FPGT: variants seen among roughly 807,000 people sequenced by gnomAD.
FPGT encodes the protein GDP-L-fucose diphosphorylase.
FPGT carries 41 observed loss-of-function variants against 45.8 expected under a neutral mutation model. The ratio of observed to expected loss-of-function variants is 0.90; its 90% CI spans 0.70 to 1.16. The LOEUF is 1.16. FPGT is among the 50% of genes most tolerant of loss of function. The pLI is 0.00. For synonymous variants in FPGT, 292 were observed against 247.2 expected (o/e 1.18, Z -1.70); for missense variants, 755 against 689.1 (o/e 1.10, Z -1.07).
chr1:74,201,415 T>A lies in FPGT; in HGVS notation c.343+5T>A. On this transcript the variant is annotated splice_donor_5th_base_variant and intron_variant, in intron 3 of 3. Coordinates refer to ENST00000370898, the MANE Select transcript of FPGT (RefSeq NM_003838.5). ...CCATCTTATTAATTCACTCTGGTAATGTTATACTTTACTAATTTACATTTT... is the reference window on the plus strand; with the variant it reads ...CCATCTTATTAATTCACTCTGGTAAAGTTATACTTTACTAATTTACATTTT... 3 of 1,548,676 alleles carry A rather than the reference T, an allele frequency of 1.9e-6. No homozygotes were observed. The highest frequency in any genetic ancestry group is 2.6e-6 in the Non-Finnish European group (3 of 1,134,888).
chr1:74,199,882 A>G (rs1557669844), intron 2 of FPGT, 51 bp downstream of exon 2: 3 of 1,569,900 alleles, frequency 1.9e-6, no homozygotes, highest in Non-Finnish European at 2.6e-6. Context: ...CAGAATAATC[A>G]TTGAAGAAAA....
In FPGT at chr1:74,208,122, A is replaced by G. The variant is rs1652429146; in HGVS notation, c.*2290A>G. ...CTGCCTGGCTAATAGCTATTATACT[A>G]TCATTTGTAAGGCACATTCTGTTTT... On this transcript the variant is annotated 3_prime_UTR_variant, in exon 4 of 4. Coordinates refer to ENST00000370898, the MANE Select transcript of FPGT (RefSeq NM_003838.5). 6.6e-6 allele frequency among the ~76,000 whole-genome samples: 1 copy of G among 151,960 alleles called. No homozygotes were observed.
chr1:74,199,636 TTTTCA>T, intron 1 of FPGT, 23 bp from the exon 2 acceptor site: 1 of 1,596,890 alleles, frequency 6.3e-7, no homozygotes, highest in African/African-American at 1.4e-5. Flanking sequence ...ATAATTTTTG[TTTTCA>T]TTTCCTTGCT....
chr1:74,200,056 G>T (rs1011909240), intron 2 of FPGT, among the ~76,000 whole-genome samples: 1 of 152,094 alleles, frequency 6.6e-6, no homozygotes, highest in Admixed American at 6.5e-5. Context: ...TTACTTAAAA[G>T]AAAATTTTAT....
At position 74,205,805 on chromosome 1, in the gene FPGT, A is replaced by T. The variant is rs978566745; in HGVS notation, c.1758A>T (p.Glu586Asp). Reference protein sequence around the residue: ...MITYREQIFLEISLKSSLM With the variant: ...MITYREQIFLDISLKSSLM ...CTTACAGGGAACAAATTTTTCTAGAAATCAGTTTAAAAAGCAGTTTGATGT... is the reference window on the plus strand; with the variant it reads ...CTTACAGGGAACAAATTTTTCTAGATATCAGTTTAAAAAGCAGTTTGATGT... The change falls in exon 4 of 4, where the codon GAA becomes GAT. Residue 586 changes from glutamate to aspartate, a missense_variant. Transcript: ENST00000370898. 13 of 1,561,600 alleles carry T rather than the reference A, an allele frequency of 8.3e-6. No homozygotes were observed. The Admixed American group carries it at 1.7e-4, about 21-fold the overall frequency.
rs1201190310 is a variant in FPGT at position 74,198,298 on chromosome 1, C to T, written c.20C>T (p.Pro7Leu). MAAARDPPEVSLREATQ... is the reference protein window; with the variant it reads MAAARDLPEVSLREATQ... The stretch of plus-strand genomic sequence containing the variant: ...GGGGCTATGGCAGCTGCTAGGGACC[C>T]TCCGGAAGTATCGCTGCGAGAAGCC... The change falls in exon 1 of 4, where the codon CCT (proline) becomes CTT (leucine). Residue 7 changes from proline (P) to leucine (L), a missense_variant. Pro to Leu is a moderately conservative substitution (Grantham distance 98, BLOSUM62 -3). Coordinates refer to ENST00000370898, the MANE Select transcript of FPGT (RefSeq NM_003838.5). 1 of 1,614,022 alleles carries T rather than the reference C, an allele frequency of 6.2e-7. No individual in the cohort carries two copies. The highest frequency in any genetic ancestry group is 1.3e-5 in the African/African-American group (1 of 74,920).
rs956067294 is a variant in FPGT, at chr1:74,208,110, A to G, written c.*2278A>G. Among the ~76,000 whole-genome samples the G allele has an allele frequency of 3.9e-5, 6 of 151,964 alleles. No individual in the cohort carries two copies. Among genetic ancestry groups the G allele is most frequent in the Non-Finnish European group, 7.4e-5 (5 of 67,938 alleles). ...CCATGACTATTGCTGCCTGGCTAAT[A>G]GCTATTATACTATCATTTGTAAGGC... On this transcript the variant is annotated 3_prime_UTR_variant, in exon 4 of 4. Coordinates refer to ENST00000370898, the MANE Select transcript of FPGT (RefSeq NM_003838.5).
In FPGT at chr1:74,198,454, C is replaced by T. The variant is rs1458820736; in HGVS notation, c.82+94C>T. 2.6e-6 allele frequency: 4 copies of T among 1,546,934 alleles called. No homozygotes were observed. In the South Asian group the frequency reaches 3.5e-5, roughly 14 times the overall value. On this transcript the variant is annotated intron_variant, in intron 1 of 3. Transcript: ENST00000370898. ...TTGCTGGACTGTCACTTCCCGTTTA[C>T]TTCTCATCTGTAGGCCTATGACGCT...
At position 74,202,263 on chromosome 1, in the gene FPGT, A is replaced by C. The variant is rs537902947; in HGVS notation, c.343+853A>C. 4.1e-3 allele frequency among the ~76,000 whole-genome samples: 622 copies of C among 152,346 alleles called. 7 individuals carry two copies. Among genetic ancestry groups the C allele is most frequent in the Non-Finnish European group, 6.6e-3 (447 of 68,032 alleles). The stretch of plus-strand genomic sequence containing the variant: ...ATGAAAACTGTCATGAACTGACACC[A>C]GTCCAGGGACAGGTATTTTAGAATT... On this transcript the variant is annotated intron_variant, in intron 3 of 3. Coordinates refer to ENST00000370898, the MANE Select transcript of FPGT (RefSeq NM_003838.5).
chr1:74,199,564 T>C lies in FPGT; in HGVS notation c.83-100T>C, dbSNP rs1651571165. ...AAAGATACATTTTGGAAGATGATAA[T>C]GGATATTACCTTCTTTATCATCTTT... is the stretch of plus-strand genomic sequence containing the variant. On this transcript the variant is annotated intron_variant, in intron 1 of 3. Transcript: ENST00000370898. The C allele has an allele frequency of 1.8e-5, 23 of 1,294,554 alleles. 1 individual carries two copies. Among genetic ancestry groups the C allele is most frequent in the South Asian group, 3.0e-5 (2 of 66,294 alleles). 80.2% of individuals were successfully genotyped at this position (1,294,554 alleles called of 1,614,324 possible). A position where few individuals can be genotyped will look rare whatever the true frequency, so the allele number is the denominator to read the frequency against.
intron 3 of FPGT, 118 bp downstream of exon 3, chr1:74,201,528 A>T: frequency 4.6e-6 from 3 of 654,146 alleles, no homozygotes; most frequent in Non-Finnish European, 7.3e-6. Flanking sequence ...CTTTGAAGTT[A>T]TTCTGCTTTG....
rs1652170757 is a variant in FPGT at position 74,205,238 on chromosome 1, C to G, written c.1191C>G (p.Gly397=). ...TTCCAGATATACCAGAATGCTCTGG[C>G]AAAACATCCTGTATCATTCAAAGCA... is the stretch of plus-strand genomic sequence containing the variant. The part of the protein sequence containing the change: ...SIFPDIPECS[G]KTSCIIQSIL... The change falls in exon 4 of 4, where the codon GGC becomes GGG. Residue 397 remains glycine, a synonymous_variant. Transcript: ENST00000370898. The G allele has an allele frequency of 1.9e-6, 3 of 1,613,768 alleles. No individual in the cohort carries two copies. Among genetic ancestry groups the G allele is most frequent in the Non-Finnish European group, 1.7e-6 (2 of 1,179,674 alleles).
rs1652103597 is a variant in FPGT, at chr1:74,204,613, C to G, written c.566C>G (p.Thr189Ser). ...ATTAGGTTTGACAAACCTGGCTTTA[C>G]TGCTTTAGCTCATCCTTCTAGTTTG... is the stretch of plus-strand genomic sequence containing the variant. ...EFIRFDKPGFTALAHPSSLTI... is the reference protein window; with the variant it reads ...EFIRFDKPGFSALAHPSSLTI... The change falls in exon 4 of 4, where the codon ACT becomes AGT. Residue 189 changes from threonine to serine, a missense_variant. By Grantham distance (58) the Thr-to-Ser change is moderately conservative (BLOSUM62 1). Coordinates refer to ENST00000370898, the MANE Select transcript of FPGT (RefSeq NM_003838.5). 3 of 1,613,736 alleles carry G rather than the reference C, an allele frequency of 1.9e-6. No homozygotes were observed. The highest frequency in any genetic ancestry group is 2.7e-5 in the African/African-American group (2 of 75,034).
Position 74,201,302 on chromosome 1 carries a change from T to A in FPGT, c.251-16T>A, listed in dbSNP as rs756113735. 1.9e-6 allele frequency: 3 copies of A among 1,603,256 alleles called. No homozygotes were observed. Among genetic ancestry groups the A allele is most frequent in the Non-Finnish European group, 2.6e-6 (3 of 1,174,914 alleles). On this transcript the variant is annotated splice_polypyrimidine_tract_variant and intron_variant, in intron 2 of 3. Transcript: ENST00000370898. Reference sequence around the variant, plus strand: ...TTCTATTAAATAAATTGTGCTTTTTTAACTTTGTTTTTAAGGAAATGGAGG... The same window carrying A: ...TTCTATTAAATAAATTGTGCTTTTTAAACTTTGTTTTTAAGGAAATGGAGG...
At position 74,207,440 on chromosome 1, in the gene FPGT, C is replaced by T. The variant is rs1652374372; in HGVS notation, c.*1608C>T. ...TGTCCACCTAGTACCATCTTCTCTG[C>T]TTTCAGAATTATTGGTAAGGCTGCA... On this transcript the variant is annotated 3_prime_UTR_variant, in exon 4 of 4. Coordinates refer to ENST00000370898, the MANE Select transcript of FPGT (RefSeq NM_003838.5). Among the ~76,000 whole-genome samples, 1 of 152,014 alleles carries T rather than the reference C, an allele frequency of 6.6e-6. No homozygotes were observed. The highest frequency in any genetic ancestry group is 1.5e-5 in the Non-Finnish European group (1 of 67,940).
intron 1 of FPGT, 39 bp downstream of exon 1, chr1:74,198,399 G>C: frequency 6.2e-7 from 1 of 1,610,956 alleles, no homozygotes; most frequent in South Asian, 1.1e-5. Flanking sequence ...GGGCAATGCA[G>C]AGGGAGGGTG....
chr1:74,200,565 T>TG (rs1036037348), intron 2 of FPGT: 1 of 145,466 alleles, frequency 6.9e-6, no homozygotes, highest in African/African-American at 2.6e-5. Context: ...AGTGCAGTGG[T>TG]GCGATCTTAG....
At position 74,205,387 on chromosome 1, in the gene FPGT, T is replaced by G; in HGVS notation, c.1340T>G (p.Leu447Arg). ...SGSYILTKAALPAHSFVCSLS... is the reference protein window; with the variant it reads ...SGSYILTKAARPAHSFVCSLS... ...TCTTACATCCTAACAAAAGCTGCCC[T>G]CCCCGCACATTCTTTTGTATGTTCC... is the stretch of plus-strand genomic sequence containing the variant. Residue 447 changes from leucine (L) to arginine (R), a missense_variant, in exon 4 of 4, where the codon CTC becomes CGC. Coordinates refer to ENST00000370898, the MANE Select transcript of FPGT (RefSeq NM_003838.5). 6.2e-7 allele frequency: 1 copy of G among 1,613,894 alleles called. No homozygotes were observed. Among genetic ancestry groups the G allele is most frequent in the Non-Finnish European group, 8.5e-7 (1 of 1,179,760 alleles).
In FPGT at chr1:74,201,335, CTT is replaced by C. The variant is rs750354541; in HGVS notation, c.270_271del (p.Ala92ProfsTer11). The C allele has an allele frequency of 2.5e-6, 4 of 1,610,826 alleles. No homozygotes were observed. In the Admixed American group the frequency reaches 6.7e-5, roughly 27 times the overall value. On this transcript the variant is annotated frameshift_variant, in exon 3 of 4. Coordinates refer to ENST00000370898, the MANE Select transcript of FPGT (RefSeq NM_003838.5). LOFTEE classifies it high-confidence loss of function. Reference protein sequence around the residue: ...GAKIGNGGSTLCALQCLEKLY... With the variant: ...GAKIGNGGSTXCALQCLEKLY... Reference sequence around the variant, plus strand: ...TTTTTAAGGAAATGGAGGATCAACACTTTGTGCCCTTCAATGTTTGGAAAAGC... The same window carrying C: ...TTTTTAAGGAAATGGAGGATCAACACTGTGCCCTTCAATGTTTGGAAAAGC...
Sources: gnomAD v4.1 joint callset for allele counts (sites outside exome capture counted in the v4.1 genomes callset) on GRCh38, gnomAD v4.1.1 for gene constraint, MANE v1.5 for transcripts, NCBI Gene and HGNC (gene_info 2026-07-23, HGNC 2026-07-21) for gene names.